The following SCMH1 variants were observed in gnomAD, a reference collection of about 807,000 sequenced individuals.
SCMH1 encodes the protein polycomb protein SCMH1.
A neutral mutation model predicts 70.8 loss-of-function variants in SCMH1; 37 were observed. That is an observed-to-expected ratio of 0.52 (90% CI 0.40 to 0.69). The LOEUF (loss-of-function observed/expected upper bound fraction) is 0.69, where lower values mean the gene tolerates loss of function less well. Ranked by LOEUF, SCMH1 falls within the 30% of genes least tolerant of loss-of-function variation. SCMH1 has a pLI of 0.00. For synonymous variants in SCMH1, 292 were observed against 307.4 expected (o/e 0.95, Z 0.52); for missense variants, 607 against 827.3 (o/e 0.73, Z 3.27).
At chr1:41,159,742 A>T (rs1474403270) in intron 4 of SCMH1, 1 of 1,533,674 alleles carries the variant, frequency 6.5e-7, no homozygotes, top group African/African-American at 1.4e-5. Context: ...ATTTCATTTC[A>T]TTCATTTCTT....
chr1:41,197,276 A>G (rs1014682388), intron 1 of SCMH1, among the ~76,000 whole-genome samples: 1 of 152,220 alleles, frequency 6.6e-6, no homozygotes, highest in African/African-American at 2.4e-5. Flanking sequence ...ACAATAGCCA[A>G]AAGTGGAAAA....
At chr1:41,186,003 T>C (rs1650104477) in intron 2 of SCMH1, 118 bp downstream of exon 2, 3 of 1,081,984 alleles carry the variant, frequency 2.8e-6, no homozygotes, top group Non-Finnish European at 2.6e-6. Flanking sequence ...AATGACATCA[T>C]GGCTATAAAG....
intron 2 of SCMH1, among the ~76,000 whole-genome samples, chr1:41,175,738 A>G (rs1647073779): frequency 1.3e-5 from 2 of 152,132 alleles, no homozygotes; most frequent in African/African-American, 2.4e-5. Flanking sequence ...ATTACATTGC[A>G]GCAACATTGG....
chr1:41,031,774 T>G (rs1250133622), intron 13 of SCMH1, among the ~76,000 whole-genome samples: 1 of 152,178 alleles, frequency 6.6e-6, no homozygotes, highest in Non-Finnish European at 1.5e-5. Flanking sequence ...TGGACCACCT[T>G]AGATAATTCC....
intron 2 of SCMH1, among the ~76,000 whole-genome samples, chr1:41,180,034 T>C (rs1267945424): frequency 1.3e-5 from 2 of 152,186 alleles, no homozygotes; most frequent in Non-Finnish European, 2.9e-5. Context: ...GTGGGCTTCA[T>C]CCCTGGGATG....
chr1:41,076,831 G>A (rs1350422997), intron 8 of SCMH1, among the ~76,000 whole-genome samples: 1 of 152,120 alleles, frequency 6.6e-6, no homozygotes, highest in South Asian at 2.1e-4. Flanking sequence ...GTTAGAGAGT[G>A]AGTAGCAGTA....
At chr1:41,134,152 C>T (rs1642871321) in intron 6 of SCMH1, among the ~76,000 whole-genome samples, 1 of 152,132 alleles carries the variant, frequency 6.6e-6, no homozygotes, top group Non-Finnish European at 1.5e-5. Context: ...TAAACGTAAT[C>T]CATCACATAA....
chr1:41,101,518 A>G (rs943451531), intron 8 of SCMH1, among the ~76,000 whole-genome samples: 2 of 152,236 alleles, frequency 1.3e-5, no homozygotes, highest in African/African-American at 4.8e-5. Context: ...GTATTTATTG[A>G]TAAGATGTAA....
intron 4 of SCMH1, among the ~76,000 whole-genome samples, chr1:41,153,312 C>A (rs780631958): frequency 6.6e-6 from 1 of 152,012 alleles, no homozygotes. Context: ...AATGTGGGTA[C>A]GTAAGAAACT....
intron 4 of SCMH1, among the ~76,000 whole-genome samples, chr1:41,158,930 C>G (rs1010168699): frequency 2.0e-5 from 3 of 152,170 alleles, no homozygotes; most frequent in African/African-American, 7.2e-5. Context: ...GGATGACTAA[C>G]AGAAATTACA....
At chr1:41,071,411 T>C (rs1353831210) in intron 9 of SCMH1, among the ~76,000 whole-genome samples, 1 of 152,208 alleles carries the variant, frequency 6.6e-6, no homozygotes, top group Non-Finnish European at 1.5e-5. Flanking sequence ...TGTCAACGTA[T>C]TGTCATGATA....
intron 5 of SCMH1, among the ~76,000 whole-genome samples, chr1:41,149,986 T>C (rs986325715): frequency 6.6e-6 from 1 of 152,212 alleles, no homozygotes; most frequent in Non-Finnish European, 1.5e-5. Context: ...TGACACTCTG[T>C]CCTAAAAATT....
intron 10 of SCMH1, among the ~76,000 whole-genome samples, chr1:41,064,622 A>G (rs975402435): frequency 6.6e-6 from 1 of 152,216 alleles, no homozygotes; most frequent in Non-Finnish European, 1.5e-5. Flanking sequence ...TAAAATTAAA[A>G]AACACCATAC....
At chr1:41,144,967 C>T (rs1190934553) in intron 5 of SCMH1, among the ~76,000 whole-genome samples, 1 of 152,050 alleles carries the variant, frequency 6.6e-6, no homozygotes, top group East Asian at 1.9e-4. Context: ...TTTAAGAGTT[C>T]TTTCTATATT....
intron 6 of SCMH1, among the ~76,000 whole-genome samples, chr1:41,127,447 TTATA>T (rs760657863): frequency 2.4e-4 from 36 of 152,352 alleles, no homozygotes; most frequent in East Asian, 5.8e-4. Flanking sequence ...TTCCTAGTAC[TTATA>T]TAGTCATTTT....
At chr1:41,204,942 A>C (rs901067760) in intron 1 of SCMH1, among the ~76,000 whole-genome samples, 3 of 152,194 alleles carry the variant, frequency 2.0e-5, no homozygotes, top group Non-Finnish European at 4.4e-5. Context: ...AAATTATATG[A>C]CCAGAATAGT....
chr1:41,235,891 T>C (rs1467713038), intron 1 of SCMH1, among the ~76,000 whole-genome samples: 1 of 152,224 alleles, frequency 6.6e-6, no homozygotes, highest in African/African-American at 2.4e-5. Flanking sequence ...AACCTGTTAT[T>C]TGTGAGATTT....
At chr1:41,122,740 A>T (rs1049806000) in intron 6 of SCMH1, among the ~76,000 whole-genome samples, 21 of 152,242 alleles carry the variant, frequency 1.4e-4, no homozygotes, top group African/African-American at 4.8e-4. Flanking sequence ...TTAATATTAC[A>T]AAGTCAGATC....
At chr1:41,203,155 C>T (rs1654755894) in intron 1 of SCMH1, among the ~76,000 whole-genome samples, 1 of 151,862 alleles carries the variant, frequency 6.6e-6, no homozygotes, top group South Asian at 2.1e-4. Context: ...TCTTTAAAAT[C>T]TGGTATACAT....
Sources: gnomAD v4.1 joint callset for allele counts (sites outside exome capture counted in the v4.1 genomes callset) on GRCh38, gnomAD v4.1.1 for gene constraint, MANE v1.5 for transcripts, NCBI Gene and HGNC (gene_info 2026-07-23, HGNC 2026-07-21) for gene names.